Variants in TAF4 observed in about 807,000 individuals in gnomAD.
TAF4 encodes transcription initiation factor TFIID subunit 4.
A neutral mutation model predicts 90.3 loss-of-function variants in TAF4; 9 were observed. The observed-to-expected ratio is 0.10, with a 90% CI of 0.06 to 0.17. The LOEUF (loss-of-function observed/expected upper bound fraction) is 0.17. Among genes scored for constraint, TAF4 ranks in the 10% least tolerant of loss-of-function variants. The pLI is 1.00. For synonymous variants in TAF4, 818 were observed against 638.9 expected, an observed-to-expected ratio of 1.28 and a Z score of -4.23; for missense variants, 1,351 against 1,370.7, an observed-to-expected ratio of 0.99 and a Z score of 0.23.
rs1427188393 is a variant in TAF4 at position 61,975,655 on chromosome 20, GA to G, written c.*512del. ...CAGCGGAGTGGAGGGGAAGGGAGGG[GA>G]GGGGAGGGCAGGGGGCAGAGAGGAG... On this transcript the variant is annotated 3_prime_UTR_variant, in exon 15 of 15. Transcript: ENST00000252996. The G allele has an allele frequency of 6.6e-6, 1 of 151,636 alleles. No individual in the cohort carries two copies. The highest frequency in any genetic ancestry group is 2.5e-5 in the African/African-American group (1 of 39,958). 9.4% of individuals were successfully genotyped at this position (151,636 alleles called of 1,614,324 possible). A position where few individuals can be genotyped will look rare whatever the true frequency, so the allele number is the denominator to read the frequency against.
intron 14 of TAF4, among the ~76,000 whole-genome samples, chr20:61,977,380 G>A (rs956239574): frequency 7.2e-5 from 11 of 152,348 alleles, no homozygotes; most frequent in African/African-American, 2.4e-4. Flanking sequence ...CAAAGATTAC[G>A]ATGGCATCTT....
At chr20:61,999,583 A>C (rs1312598843) in intron 11 of TAF4, among the ~76,000 whole-genome samples, 3 of 152,226 alleles carry the variant, frequency 2.0e-5, no homozygotes, top group African/African-American at 7.2e-5. Flanking sequence ...GCTTCATGAG[A>C]ATAGGGCTGC....
intron 14 of TAF4, among the ~76,000 whole-genome samples, chr20:61,984,281 C>A (rs769681608): frequency 1.3e-5 from 2 of 152,166 alleles, no homozygotes; most frequent in Admixed American, 6.5e-5. Context: ...ACGTGGGACA[C>A]GTGTGAGGCT....
intron 1 of TAF4, among the ~76,000 whole-genome samples, chr20:62,038,132 C>T (rs2055943951): frequency 6.6e-6 from 1 of 152,102 alleles, no homozygotes; most frequent in Admixed American, 6.5e-5. Flanking sequence ...AGGTTCATGC[C>T]ATTCTCCTGC....
intron 5 of TAF4, chr20:62,008,728 C>G (rs2123141468): frequency 9.3e-6 from 2 of 215,712 alleles, no homozygotes; most frequent in South Asian, 2.8e-4. Flanking sequence ...AAGGGAGTTG[C>G]TGGAGACCCT....
intron 1 of TAF4, among the ~76,000 whole-genome samples, chr20:62,029,616 T>A (rs1195968724): frequency 1.3e-5 from 2 of 151,970 alleles, no homozygotes; most frequent in African/African-American, 4.8e-5. Flanking sequence ...TGGTAAAGAA[T>A]GGGAATGCAG....
intron 14 of TAF4, among the ~76,000 whole-genome samples, chr20:61,992,380 G>A (rs974059591): frequency 2.0e-5 from 3 of 152,140 alleles, no homozygotes; most frequent in Non-Finnish European, 4.4e-5. Flanking sequence ...AAAGGTAGGA[G>A]ATATTTTAAT....
intron 1 of TAF4, among the ~76,000 whole-genome samples, chr20:62,051,058 G>A (rs1022936538): frequency 6.6e-6 from 1 of 152,194 alleles, no homozygotes; most frequent in Non-Finnish European, 1.5e-5. Flanking sequence ...TTACAAGGAG[G>A]TTCAGAAAGG....
Position 62,010,255 on chromosome 20 carries a change from A to T in TAF4, c.1642-90T>A. 1 of 1,591,428 alleles carries T rather than the reference A, an allele frequency of 6.3e-7. No homozygotes were observed. Among genetic ancestry groups the T allele is most frequent in the Non-Finnish European group, 8.6e-7 (1 of 1,168,888 alleles). ...GCCTCACGCCCAGCAAAAGAAAACA[A>T]GCCTCCCTGCGGTGGCCAGGACGCC... is the stretch of plus-strand genomic sequence containing the variant. On this transcript the variant is annotated intron_variant, in intron 3 of 14. Transcript: ENST00000252996. The surrounding 1 kb of genome is among the most constrained non-coding windows in gnomAD (Gnocchi z 4.5).
chr20:61,998,041 G>T, intron 13 of TAF4, 95 bp downstream of exon 13: 1 of 1,195,170 alleles, frequency 8.4e-7, no homozygotes, highest in Non-Finnish European at 1.2e-6. Flanking sequence ...AATGCCTATC[G>T]TACAGAAGTG....
chr20:62,010,246 A>G lies in TAF4; in HGVS notation c.1642-81T>C. 2 of 1,599,046 alleles carry G rather than the reference A, an allele frequency of 1.3e-6. No individual in the cohort carries two copies. The highest frequency in any genetic ancestry group is 8.5e-7 in the Non-Finnish European group (1 of 1,172,800). On this transcript the variant is annotated intron_variant, in intron 3 of 14. Coordinates refer to ENST00000252996, the MANE Select transcript of TAF4 (RefSeq NM_003185.4). This position sits in a 1 kb window ranked among gnomAD's most constrained non-coding sequence, Gnocchi z 4.5. ...GGGAGACCAGCCTCACGCCCAGCAA[A>G]AGAAAACAAGCCTCCCTGCGGTGGC...
At chr20:62,012,671 C>A in intron 3 of TAF4, 144 bp downstream of exon 3, 1 of 1,198,808 alleles carries the variant, frequency 8.3e-7, no homozygotes, top group Non-Finnish European at 1.1e-6. Flanking sequence ...AAAGCACTTT[C>A]TTCACAGAGA....
chr20:62,012,663 A>G, intron 3 of TAF4, 152 bp downstream of exon 3: 2 of 1,127,708 alleles, frequency 1.8e-6, no homozygotes, highest in Non-Finnish European at 2.4e-6. Flanking sequence ...TCAAAGAAAA[A>G]GCACTTTCTT....
intron 7 of TAF4, among the ~76,000 whole-genome samples, chr20:62,004,186 G>A (rs2055727890): frequency 6.6e-6 from 1 of 152,192 alleles, no homozygotes; most frequent in Non-Finnish European, 1.5e-5. Flanking sequence ...GGGGCGGGTG[G>A]CAAACTGATG....
chr20:62,001,904 C>G (rs773458285), intron 9 of TAF4, among the ~76,000 whole-genome samples: 3 of 152,202 alleles, frequency 2.0e-5, no homozygotes, highest in Non-Finnish European at 4.4e-5. Context: ...AAGACAACAT[C>G]TGAACACTAG....
At chr20:61,984,730 C>T (rs888152991) in intron 14 of TAF4, among the ~76,000 whole-genome samples, 1 of 149,126 alleles carries the variant, frequency 6.7e-6, no homozygotes, top group Non-Finnish European at 1.5e-5. Flanking sequence ...GGGCAGTGCC[C>T]GGGAACTCTG....
At chr20:62,044,875 G>A (rs983722803) in intron 1 of TAF4, among the ~76,000 whole-genome samples, 2 of 152,182 alleles carry the variant, frequency 1.3e-5, no homozygotes, top group Admixed American at 6.5e-5. Flanking sequence ...CCTGGGACAG[G>A]AAATACAGGA....
chr20:62,009,196 TAA>T, intron 4 of TAF4, 22 bp from the exon 5 acceptor site: 1 of 1,589,168 alleles, frequency 6.3e-7, no homozygotes, highest in South Asian at 1.2e-5. Context: ...TAAAAAGATA[TAA>T]GTGAAAAATC....
chr20:62,051,118 C>A (rs2056024810), intron 1 of TAF4, among the ~76,000 whole-genome samples: 1 of 152,216 alleles, frequency 6.6e-6, no homozygotes, highest in Admixed American at 6.5e-5. Flanking sequence ...AGCCCATGGC[C>A]CCCAGTGTCA....
Sources: allele counts gnomAD v4.1 joint callset (sites outside exome capture counted in the v4.1 genomes callset), GRCh38; gene constraint gnomAD v4.1.1; non-coding constraint Gnocchi (gnomAD v3.1); transcripts MANE v1.5; gene names NCBI Gene and HGNC (gene_info 2026-07-23, HGNC 2026-07-21).